Variants in RABGAP1L observed in about 807,000 individuals in gnomAD.
RABGAP1L encodes the protein rab GTPase-activating protein 1-like.
RABGAP1L carries 63 observed loss-of-function variants against 137.7 expected under a neutral mutation model. That is an observed-to-expected ratio of 0.46 (90% CI 0.37 to 0.56). RABGAP1L has a LOEUF of 0.56. Ranked by LOEUF, RABGAP1L falls within the 20% of genes least tolerant of loss-of-function variation. RABGAP1L has a pLI of 0.00. For synonymous variants in RABGAP1L, 431 were observed against 433.7 expected, an observed-to-expected ratio of 0.99 and a Z score of 0.08; for missense variants, 1,095 against 1,244.0, an observed-to-expected ratio of 0.88 and a Z score of 1.80.
rs138327749 is a variant in RABGAP1L, at chr1:174,812,411, T to C, written c.2340+451T>C. Among the ~76,000 whole-genome samples the C allele has an allele frequency of 2.8e-4, 42 of 152,332 alleles. 3 individuals carry two copies. In the East Asian group the frequency reaches 3.7e-3, roughly 13 times the overall value. ...ACCTGCCAAATATCTGTGGATACAT[T>C]GGTCCATGTCACATGTCTGATAAAG... On this transcript the variant is annotated intron_variant, in intron 19 of 25. Coordinates refer to ENST00000681986, the MANE Select transcript of RABGAP1L (RefSeq NM_001366446.1).
chr1:174,190,547 A>G (rs1258832050), intron 1 of RABGAP1L, among the ~76,000 whole-genome samples: 2 of 152,124 alleles, frequency 1.3e-5, no homozygotes, highest in East Asian at 1.9e-4. Flanking sequence ...TTAGAATTGA[A>G]GAGTTAGAGC....
chr1:174,234,548 C>G (rs1670982979), intron 4 of RABGAP1L, among the ~76,000 whole-genome samples: 1 of 139,892 alleles, frequency 7.1e-6, no homozygotes, highest in Non-Finnish European at 1.5e-5. Flanking sequence ...GCTTCTTTTT[C>G]TCAGGTTTGT....
intron 1 of RABGAP1L, among the ~76,000 whole-genome samples, chr1:174,212,457 G>A (rs1668970516): frequency 6.6e-6 from 1 of 151,894 alleles, no homozygotes; most frequent in African/African-American, 2.4e-5. Flanking sequence ...CATCAATGAA[G>A]AAATTAAGGA....
At chr1:174,682,980 A>G (rs1678193356) in intron 14 of RABGAP1L, among the ~76,000 whole-genome samples, 1 of 150,282 alleles carries the variant, frequency 6.7e-6, no homozygotes, top group East Asian at 1.9e-4. Flanking sequence ...TTGGAGAACC[A>G]TTTTTACTCT....
At chr1:174,983,555 C>T (rs1363384150) in intron 24 of RABGAP1L, among the ~76,000 whole-genome samples, 2 of 152,094 alleles carry the variant, frequency 1.3e-5, no homozygotes, top group Admixed American at 6.5e-5. Context: ...GTTACAGAAA[C>T]CTGACATCAT....
intron 18 of RABGAP1L, among the ~76,000 whole-genome samples, chr1:174,787,919 C>T (rs1011376735): frequency 2.6e-5 from 4 of 152,148 alleles, no homozygotes; most frequent in Admixed American, 2.6e-4. Flanking sequence ...ATATGTGAGA[C>T]AACGAATAGT....
chr1:174,781,894 C>T (rs1427449296), intron 18 of RABGAP1L, among the ~76,000 whole-genome samples: 1 of 152,120 alleles, frequency 6.6e-6, no homozygotes. Flanking sequence ...GGTCTTATTT[C>T]TAAGGGCTCT....
chr1:174,286,671 T>C (rs978087641), intron 10 of RABGAP1L, among the ~76,000 whole-genome samples: 1 of 152,018 alleles, frequency 6.6e-6, no homozygotes, highest in Non-Finnish European at 1.5e-5. Context: ...TTTTTCCCCA[T>C]AATTTAGACA....
chr1:174,711,358 AGT>A (rs553132271), intron 17 of RABGAP1L, among the ~76,000 whole-genome samples: 1,811 of 151,404 alleles, frequency 0.012, 38 homozygotes, highest in African/African-American at 0.042. Flanking sequence ...AGGCACTGAG[AGT>A]GAGTGAGGGC....
intron 13 of RABGAP1L, among the ~76,000 whole-genome samples, chr1:174,621,475 A>C (rs1420688527): frequency 6.6e-6 from 1 of 152,240 alleles, no homozygotes; most frequent in Non-Finnish European, 1.5e-5. Context: ...TACAGTAACC[A>C]AAACAGCATG....
At chr1:174,405,704 G>C (rs945853522) in intron 13 of RABGAP1L, among the ~76,000 whole-genome samples, 5 of 152,154 alleles carry the variant, frequency 3.3e-5, no homozygotes, top group African/African-American at 1.2e-4. Context: ...TTGGCTGGGT[G>C]CGGTGGCTCA....
chr1:174,220,932 A>G (rs772924741), intron 2 of RABGAP1L, 40 bp from the exon 3 acceptor site: 52 of 1,477,722 alleles, frequency 3.5e-5, no homozygotes, highest in South Asian at 1.6e-4. Flanking sequence ...CTTCAGAACT[A>G]TGGTAGAATT....
intron 13 of RABGAP1L, among the ~76,000 whole-genome samples, chr1:174,597,502 T>G (rs1670048958): frequency 2.0e-5 from 3 of 152,060 alleles, no homozygotes; most frequent in Admixed American, 1.3e-4. Flanking sequence ...TATTGGCATA[T>G]GGTTGTTGAT....
chr1:174,368,482 A>G (rs542736855), intron 11 of RABGAP1L, among the ~76,000 whole-genome samples: 1 of 152,214 alleles, frequency 6.6e-6, no homozygotes, highest in East Asian at 1.9e-4. Context: ...CAATTTTTAT[A>G]CTCTCTGTCA....
At position 174,506,706 on chromosome 1, in the gene RABGAP1L, A is replaced by G. The variant is rs182186689; in HGVS notation, c.1710+112561A>G. Among the ~76,000 whole-genome samples the G allele has an allele frequency of 2.6e-5, 4 of 152,352 alleles. No homozygotes were observed. The East Asian group carries it at 5.8e-4, about 22-fold the overall frequency. ...CATATATCAAAACATCATGTTGTCT[A>G]CGCATTGGGTAAAGTGTACACTGCT... On this transcript the variant is annotated intron_variant, in intron 13 of 25. Transcript: ENST00000681986.
intron 1 of RABGAP1L, among the ~76,000 whole-genome samples, chr1:174,211,263 A>C (rs1668863590): frequency 6.6e-6 from 1 of 152,182 alleles, no homozygotes; most frequent in Non-Finnish European, 1.5e-5. Context: ...GAACCAATAA[A>C]AAATAATAAC....
At chr1:174,265,725 C>T (rs1558083299) in intron 7 of RABGAP1L, among the ~76,000 whole-genome samples, 1 of 151,480 alleles carries the variant, frequency 6.6e-6, no homozygotes, top group Admixed American at 6.6e-5. Flanking sequence ...GAACATTGAC[C>T]TAAAAATATT....
intron 19 of RABGAP1L, among the ~76,000 whole-genome samples, chr1:174,841,883 G>A (rs1693452420): frequency 6.6e-6 from 1 of 150,608 alleles, no homozygotes; most frequent in Non-Finnish European, 1.5e-5. Context: ...GATATAGGAA[G>A]TCCTTTATTT....
At chr1:174,355,158 G>A (rs1683513676) in intron 11 of RABGAP1L, among the ~76,000 whole-genome samples, 1 of 152,100 alleles carries the variant, frequency 6.6e-6, no homozygotes, top group African/African-American at 2.4e-5. Context: ...AAAGACACAT[G>A]CACATGTATG....
Sources: allele counts gnomAD v4.1 joint callset (sites outside exome capture counted in the v4.1 genomes callset), GRCh38; gene constraint gnomAD v4.1.1; transcripts MANE v1.5; gene names NCBI Gene and HGNC (gene_info 2026-07-23, HGNC 2026-07-21).